The following RUNX1 variants were observed in gnomAD, a reference collection of about 807,000 sequenced individuals.
RUNX1 encodes RUNX family transcription factor 1.
In RUNX1, 19 loss-of-function variants were observed where a neutral mutation model predicts 42.8. The ratio of observed to expected loss-of-function variants is 0.44; its 90% CI spans 0.31 to 0.65. The LOEUF (loss-of-function observed/expected upper bound fraction) is 0.65. Among genes scored for constraint, RUNX1 ranks in the 30% least tolerant of loss-of-function variants. RUNX1 has a pLI of 0.07. For missense variants in RUNX1, 528 were observed against 672.0 expected (o/e 0.79, Z 2.37); for synonymous variants, 271 against 289.4 (o/e 0.94, Z 0.64).
At chr21:34,861,740 G>C (rs1446613415) in intron 5 of RUNX1, among the ~76,000 whole-genome samples, 1 of 152,114 alleles carries the variant, frequency 6.6e-6, no homozygotes, top group African/African-American at 2.4e-5. Flanking sequence ...CCCTTCACCC[G>C]AGTCTTCCTG....
intron 2 of RUNX1, among the ~76,000 whole-genome samples, chr21:35,028,175 A>G (rs561988955): frequency 1.3e-5 from 2 of 152,276 alleles, no homozygotes; most frequent in Admixed American, 1.3e-4. Flanking sequence ...TGTTACAGAA[A>G]GGTTCTTAAA....
chr21:34,924,196 A>G (rs548026649), intron 2 of RUNX1, among the ~76,000 whole-genome samples: 1 of 152,136 alleles, frequency 6.6e-6, no homozygotes, highest in Non-Finnish European at 1.5e-5. Context: ...GCTAGGCCCA[A>G]CTTAGCTCCT....
intron 3 of RUNX1, 155 bp from the exon 4 acceptor site, chr21:34,887,251 G>GGGGGGGGGGGGGGGGT: frequency 1.1e-6 from 1 of 944,062 alleles, no homozygotes; most frequent in East Asian, 5.3e-5. Flanking sequence ...GTGGGGGGGG[G>GGGGGGGGGGGGGGGGT]CGGGGGTGGT....
At chr21:35,014,772 C>T (rs2059148304) in intron 2 of RUNX1, among the ~76,000 whole-genome samples, 1 of 152,262 alleles carries the variant, frequency 6.6e-6, no homozygotes. Flanking sequence ...GCCCTCTCTG[C>T]CGAGGCAGCC....
chr21:34,955,068 A>G (rs762246), intron 2 of RUNX1, among the ~76,000 whole-genome samples: 23,573 of 152,066 alleles, frequency 0.16, 3,609 homozygotes, highest in African/African-American at 0.4. Flanking sequence ...TATAAAAATG[A>G]GAATAATGGC....
chr21:34,832,915 A>G (rs1362672051), intron 7 of RUNX1: 2 of 152,178 alleles, frequency 1.3e-5, no homozygotes, highest in Non-Finnish European at 2.9e-5. Flanking sequence ...GTTTGTTTAC[A>G]AAAGGGTTAC....
At chr21:34,879,865 G>A (rs966726726) in intron 5 of RUNX1, among the ~76,000 whole-genome samples, 4 of 152,088 alleles carry the variant, frequency 2.6e-5, no homozygotes, top group Admixed American at 6.6e-5. Flanking sequence ...TAAAGGCAAG[G>A]AAAAATAAAA....
At chr21:34,989,004 C>CTA (rs2058914205) in intron 2 of RUNX1, among the ~76,000 whole-genome samples, 6 of 108,924 alleles carry the variant, frequency 5.5e-5, no homozygotes, top group African/African-American at 3.8e-4. Context: ...ATCTCTCTCT[C>CTA]TCTCTCTCTC....
intron 2 of RUNX1, among the ~76,000 whole-genome samples, chr21:34,977,868 T>G (rs932270047): frequency 1.3e-5 from 2 of 152,254 alleles, no homozygotes; most frequent in Non-Finnish European, 2.9e-5. Context: ...TTCATAGTTT[T>G]CATCATGGAT....
At chr21:34,912,837 C>T (rs975669270) in intron 2 of RUNX1, among the ~76,000 whole-genome samples, 4 of 152,198 alleles carry the variant, frequency 2.6e-5, no homozygotes, top group Non-Finnish European at 4.4e-5. Flanking sequence ...CATTCCAAAC[C>T]GATGCAAACT....
At chr21:34,977,606 A>G (rs112622851) in intron 2 of RUNX1, among the ~76,000 whole-genome samples, 2,185 of 152,336 alleles carry the variant, frequency 0.014, 65 homozygotes, top group African/African-American at 0.05. Flanking sequence ...AACTGTCATT[A>G]CAACATATAC....
intron 3 of RUNX1, among the ~76,000 whole-genome samples, chr21:34,890,195 T>A (rs2058063898): frequency 6.6e-6 from 1 of 151,752 alleles, no homozygotes; most frequent in Non-Finnish European, 1.5e-5. Context: ...CGCCGCGGGC[T>A]CTGGCGGACG....
rs373300690 is a variant in RUNX1 at position 34,928,519 on chromosome 21, C to G, written c.59-35556G>C. ...GACCAGCCTGGCCAACGTGGTGAAA[C>G]CCCGCCTCTACTAAAAATACAAAAA... On this transcript the variant is annotated intron_variant, in intron 2 of 8. Coordinates refer to ENST00000675419, the MANE Select transcript of RUNX1 (RefSeq NM_001754.5). Among the ~76,000 whole-genome samples, 74 of 152,126 alleles carry G rather than the reference C, an allele frequency of 4.9e-4. 1 individual carries two copies. In the South Asian group the frequency reaches 0.013, roughly 27 times the overall value.
chr21:34,828,768 C>CT (rs1355452705), intron 7 of RUNX1, among the ~76,000 whole-genome samples: 5 of 151,350 alleles, frequency 3.3e-5, no homozygotes, highest in African/African-American at 9.8e-5. Context: ...AGTGAGCTCT[C>CT]TGACAGATGC....
intron 5 of RUNX1, among the ~76,000 whole-genome samples, chr21:34,871,845 A>G (rs1054172975): frequency 8.2e-6 from 1 of 121,798 alleles, no homozygotes; most frequent in Non-Finnish European, 1.7e-5. Context: ...TGCTTTTATC[A>G]CTTTTTTTTT....
intron 2 of RUNX1, among the ~76,000 whole-genome samples, chr21:34,977,797 T>C (rs2058814205): frequency 6.6e-6 from 1 of 152,248 alleles, no homozygotes; most frequent in Admixed American, 6.5e-5. Flanking sequence ...CCATCTTTCT[T>C]CCAACATCCT....
chr21:34,967,083 G>A (rs181615773), intron 2 of RUNX1, among the ~76,000 whole-genome samples: 238 of 151,724 alleles, frequency 1.6e-3, no homozygotes, highest in African/African-American at 5.4e-3. Context: ...CGGGCGCGGC[G>A]GCCAAGGCGA....
chr21:34,844,607 T>C (rs1345088478), intron 6 of RUNX1, among the ~76,000 whole-genome samples: 1 of 152,208 alleles, frequency 6.6e-6, no homozygotes, highest in Non-Finnish European at 1.5e-5. Context: ...AGTGAATGAA[T>C]GAATGAGTGA....
At chr21:35,010,450 A>C (rs1009287589) in intron 2 of RUNX1, among the ~76,000 whole-genome samples, 1 of 152,192 alleles carries the variant, frequency 6.6e-6, no homozygotes, top group Non-Finnish European at 1.5e-5. Flanking sequence ...TCACATTAAG[A>C]CATGTCCTTT....
Sources: gnomAD v4.1 joint callset for allele counts (sites outside exome capture counted in the v4.1 genomes callset) on GRCh38, gnomAD v4.1.1 for gene constraint, MANE v1.5 for transcripts, NCBI Gene and HGNC (gene_info 2026-07-23, HGNC 2026-07-21) for gene names.